LMO2: variants seen among roughly 807,000 people sequenced by gnomAD.
LMO2 encodes rhombotin-2.
LMO2 carries 20 observed loss-of-function variants against 23.2 expected under a neutral mutation model. That is an observed-to-expected ratio of 0.86 (90% CI 0.61 to 1.25). LMO2 has a LOEUF of 1.25. LMO2 is among the 50% of genes most tolerant of loss of function. The pLI is 0.00. For synonymous variants in LMO2, 123 were observed against 130.2 expected (o/e 0.94, Z 0.38); for missense variants, 270 against 315.3 (o/e 0.86, Z 1.09).
Position 33,880,118 on chromosome 11 carries a change from T to G in LMO2, c.-272+1706A>C, listed in dbSNP as rs1394780194. ...CAAGTGTCTATCAACAGATGGATTTTTTAAAGTGATATACGCATACTATTT... is the reference window on the plus strand; with the variant it reads ...CAAGTGTCTATCAACAGATGGATTTGTTAAAGTGATATACGCATACTATTT... On this transcript the variant is annotated intron_variant, in intron 2 of 5. Transcript: ENST00000257818. This position sits in a 1 kb window ranked among gnomAD's most constrained non-coding sequence, Gnocchi z 4.3. 6.6e-6 allele frequency among the ~76,000 whole-genome samples: 1 copy of G among 151,684 alleles called. No homozygotes were observed. The highest frequency in any genetic ancestry group is 1.9e-4 in the East Asian group (1 of 5,184).
rs191274490 is a variant in LMO2 at position 33,867,014 on chromosome 11, T to C, written c.249-2197A>G. ...TACTCTGGGCTTTCAAAACCACTCA[T>C]GGAACCTGGACGCACATTGGATGTC... On this transcript the variant is annotated intron_variant, in intron 4 of 5. Transcript: ENST00000257818. Among the ~76,000 whole-genome samples the C allele has an allele frequency of 6.0e-4, 91 of 152,280 alleles. 1 individual carries two copies. The highest frequency in any genetic ancestry group is 2.1e-3 in the African/African-American group (87 of 41,558).
At chr11:33,862,255 C>T (rs561092589) in intron 5 of LMO2, among the ~76,000 whole-genome samples, 4 of 152,264 alleles carry the variant, frequency 2.6e-5, no homozygotes, top group South Asian at 4.2e-4. Context: ...GGCAAGGCTG[C>T]GGGGCTTGGT....
chr11:33,869,800 C>T lies in LMO2; in HGVS notation c.-84G>A. Reference sequence around the variant, plus strand: ...CGCCCGCGGGGATGGTGTGCGCCCGCCCGGCCGCCCGGAGCCCCTCGCACC... The same window carrying T: ...CGCCCGCGGGGATGGTGTGCGCCCGTCCGGCCGCCCGGAGCCCCTCGCACC... On this transcript the variant is annotated 5_prime_UTR_variant, in exon 3 of 6. Coordinates refer to ENST00000257818, the MANE Select transcript of LMO2 (RefSeq NM_005574.4). 1 of 1,117,938 alleles carries T rather than the reference C, an allele frequency of 8.9e-7. No homozygotes were observed. Among genetic ancestry groups the T allele is most frequent in the Non-Finnish European group, 1.1e-6 (1 of 916,842 alleles). 69.3% of individuals were successfully genotyped at this position (1,117,938 alleles called of 1,614,324 possible). A position where few individuals can be genotyped will look rare whatever the true frequency, so the allele number is the denominator to read the frequency against.
At chr11:33,865,136 T>G (rs1397311260) in intron 4 of LMO2, 8 of 419,572 alleles carry the variant, frequency 1.9e-5, no homozygotes, top group Non-Finnish European at 9.0e-6. Flanking sequence ...GGTCTCCTTC[T>G]GCTTTTTCCC....
At position 33,859,463 on chromosome 11, in the gene LMO2, C is replaced by T. The variant is rs781133624; in HGVS notation, c.577G>A (p.Ala193Thr). The change falls in exon 6 of 6, where the codon GCC becomes ACC. Residue 193 changes from alanine to threonine, a missense_variant. Physicochemically the swap from Ala to Thr is moderately conservative, Grantham distance 58. Transcript: ENST00000257818. Reference sequence around the variant, plus strand: ...CCTACACAGAAATGCTTCTGACAGGCGGCGCATTTGAAACATTCCAGGTGA... The same window carrying T: ...CCTACACAGAAATGCTTCTGACAGGTGGCGCATTTGAAACATTCCAGGTGA... Reference protein sequence around the residue: ...VYHLECFKCAACQKHFCVGDR... With the variant: ...VYHLECFKCATCQKHFCVGDR... 83 of 1,613,864 alleles carry T rather than the reference C, an allele frequency of 5.1e-5. No individual in the cohort carries two copies. The highest frequency in any genetic ancestry group is 5.5e-5 in the Non-Finnish European group (65 of 1,179,930).
chr11:33,881,198 T>C (rs1857274144), intron 2 of LMO2: 4 of 457,016 alleles, frequency 8.8e-6, no homozygotes, highest in Non-Finnish European at 1.8e-5. Context: ...GAGACTGCCG[T>C]GGGCCTGCTG....
At chr11:33,885,388 T>C (rs1477838898) in intron 1 of LMO2, among the ~76,000 whole-genome samples, 2 of 152,186 alleles carry the variant, frequency 1.3e-5, no homozygotes, top group Non-Finnish European at 2.9e-5. Context: ...TGAGCCAACA[T>C]AGGACAGGGC....
At position 33,869,803 on chromosome 11, in the gene LMO2, G is replaced by A; in HGVS notation, c.-87C>T. 1 of 1,115,120 alleles carries A rather than the reference G, an allele frequency of 9.0e-7. No individual in the cohort carries two copies. The highest frequency in any genetic ancestry group is 5.0e-5 in the East Asian group (1 of 20,174). The allele number at this position is 1,115,120 out of a possible 1,614,324, so 69.1% of individuals were successfully genotyped here. On this transcript the variant is annotated 5_prime_UTR_variant, in exon 3 of 6. Coordinates refer to ENST00000257818, the MANE Select transcript of LMO2 (RefSeq NM_005574.4). ...CCGCGGGGATGGTGTGCGCCCGCCCGGCCGCCCGGAGCCCCTCGCACCTTC... is the reference window on the plus strand; with the variant it reads ...CCGCGGGGATGGTGTGCGCCCGCCCAGCCGCCCGGAGCCCCTCGCACCTTC...
chr11:33,883,322 G>C (rs1857330321), intron 1 of LMO2, among the ~76,000 whole-genome samples: 1 of 152,222 alleles, frequency 6.6e-6, no homozygotes, highest in Non-Finnish European at 1.5e-5. Context: ...GAGAACACTG[G>C]TGTGTGTCCT....
At chr11:33,887,576 G>T (rs1402289751) in intron 1 of LMO2, among the ~76,000 whole-genome samples, 9 of 138,960 alleles carry the variant, frequency 6.5e-5, no homozygotes, top group African/African-American at 2.4e-4. Flanking sequence ...ACAGGGTCTT[G>T]CTCTGTTGCT....
chr11:33,876,759 T>C (rs1270944782), intron 2 of LMO2, among the ~76,000 whole-genome samples: 2 of 152,192 alleles, frequency 1.3e-5, no homozygotes, highest in Non-Finnish European at 2.9e-5. Context: ...AGCAAAGGCT[T>C]TGGAGAGAGA....
Position 33,859,339 on chromosome 11 carries a change from T to C in LMO2, c.*17A>G. 2.5e-6 allele frequency: 4 copies of C among 1,588,580 alleles called. No homozygotes were observed. Among genetic ancestry groups the C allele is most frequent in the Non-Finnish European group, 3.5e-6 (4 of 1,157,360 alleles). On this transcript the variant is annotated 3_prime_UTR_variant, in exon 6 of 6. Coordinates refer to ENST00000257818, the MANE Select transcript of LMO2 (RefSeq NM_005574.4). ...TCTTCAGTGAACACCTCCCCAAAGA[T>C]GCCCGGGGACTCGGGCCTATATCAT...
At chr11:33,874,712 G>A (rs1265299320) in intron 2 of LMO2, among the ~76,000 whole-genome samples, 1 of 152,232 alleles carries the variant, frequency 6.6e-6, no homozygotes, top group African/African-American at 2.4e-5. Flanking sequence ...ACCTCGGCAA[G>A]CCTCAGGCCA....
chr11:33,888,189 G>A (rs78680779), intron 1 of LMO2, among the ~76,000 whole-genome samples: 4,552 of 152,262 alleles, frequency 0.03, 236 homozygotes, highest in African/African-American at 0.1. Context: ...GCATACTCAC[G>A]CAAGCGCATT....
chr11:33,885,586 GGGAGGCCCA>G (rs1347852079), intron 1 of LMO2, among the ~76,000 whole-genome samples: 1 of 152,232 alleles, frequency 6.6e-6, no homozygotes, highest in Non-Finnish European at 1.5e-5. Flanking sequence ...GAATTGCTTT[GGGAGGCCCA>G]GGAAGGGAAG....
rs529905027 is a variant in LMO2 at position 33,862,622 on chromosome 11, A to G, written c.464+1980T>C. Among the ~76,000 whole-genome samples the G allele has an allele frequency of 2.7e-4, 39 of 146,042 alleles. No homozygotes were observed. In the East Asian group the frequency reaches 3.2e-3, roughly 12 times the overall value. On this transcript the variant is annotated intron_variant, in intron 5 of 5. Coordinates refer to ENST00000257818, the MANE Select transcript of LMO2 (RefSeq NM_005574.4). ...AGTTATCCTAGGGGTGAAGAACTCA[A>G]ACACATTAGAGGGCCCGTTCAGTTA...
chr11:33,882,458 G>C (rs1487469568), intron 1 of LMO2, among the ~76,000 whole-genome samples: 1 of 152,196 alleles, frequency 6.6e-6, no homozygotes. Flanking sequence ...GCCTAAACTA[G>C]AGAACTGGAT....
chr11:33,861,007 G>A (rs1856554493), intron 5 of LMO2, among the ~76,000 whole-genome samples: 1 of 152,192 alleles, frequency 6.6e-6, no homozygotes, highest in Non-Finnish European at 1.5e-5. Flanking sequence ...AGTGACCCTG[G>A]AGAGACCTCT....
chr11:33,874,859 C>T (rs1857099200), intron 2 of LMO2, among the ~76,000 whole-genome samples: 1 of 152,256 alleles, frequency 6.6e-6, no homozygotes, highest in African/African-American at 2.4e-5. Context: ...AACTTTCAAA[C>T]CACCATTTAT....
Sources: gnomAD v4.1 joint callset for allele counts (sites outside exome capture counted in the v4.1 genomes callset) on GRCh38, gnomAD v4.1.1 for gene constraint, Gnocchi (gnomAD v3.1) non-coding constraint, MANE v1.5 for transcripts, NCBI Gene and HGNC (gene_info 2026-07-23, HGNC 2026-07-21) for gene names.